The following UST variants were observed in gnomAD, a reference collection of about 807,000 sequenced individuals.
The protein encoded by UST is chondroitin sulfate 2-O-sulfotransferase.
In UST, 21 loss-of-function variants were observed where a neutral mutation model predicts 45.6. The ratio of observed to expected loss-of-function variants is 0.46; its 90% CI spans 0.33 to 0.66. UST has a LOEUF of 0.66. Among genes scored for constraint, UST ranks in the 30% least tolerant of loss-of-function variants. The pLI, the probability that UST is intolerant of heterozygous loss-of-function variation, is 0.02. For missense variants in UST, 463 were observed against 512.4 expected, an observed-to-expected ratio of 0.90 and a Z score of 0.93; for synonymous variants, 215 against 200.6, an observed-to-expected ratio of 1.07 and a Z score of -0.61.
At chr6:148,995,126 G>A (rs1216113992) in intron 5 of UST, among the ~76,000 whole-genome samples, 1 of 152,142 alleles carries the variant, frequency 6.6e-6, no homozygotes, top group Non-Finnish European at 1.5e-5. Flanking sequence ...CCGGGTTCAA[G>A]CTATTCTCGT....
At chr6:148,854,208 C>T (rs1415754460) in intron 1 of UST, among the ~76,000 whole-genome samples, 1 of 152,214 alleles carries the variant, frequency 6.6e-6, no homozygotes, top group Non-Finnish European at 1.5e-5. Context: ...ACCGTCTGTC[C>T]TGGAGCTGCA....
At chr6:148,899,528 C>T (rs1056729275) in intron 2 of UST, among the ~76,000 whole-genome samples, 3 of 152,178 alleles carry the variant, frequency 2.0e-5, no homozygotes, top group Admixed American at 6.5e-5. Flanking sequence ...AAAATAATTA[C>T]CCACAATGCC....
chr6:148,906,259 G>A (rs1779357167), intron 2 of UST, among the ~76,000 whole-genome samples: 1 of 152,034 alleles, frequency 6.6e-6, no homozygotes. Context: ...AAAACCAGAT[G>A]TCTTCCTCCC....
At chr6:148,830,887 T>C (rs1233944850) in intron 1 of UST, among the ~76,000 whole-genome samples, 1 of 152,172 alleles carries the variant, frequency 6.6e-6, no homozygotes, top group Non-Finnish European at 1.5e-5. Context: ...ATAGTGGTGA[T>C]GACTGCACAA....
intron 1 of UST, among the ~76,000 whole-genome samples, chr6:148,763,508 T>TTAA (rs1311944893): frequency 2.4e-4 from 37 of 152,180 alleles, no homozygotes; most frequent in African/African-American, 8.9e-4. Context: ...AGCTCTTTAG[T>TTAA]TTAATTAAGT....
rs377724567 is a variant in UST, at chr6:148,870,104, T to TCTCA, written c.248-16881_248-16880insTCAC. ...CCCCCAGCTTCACAGTGGTAATGTTTCACACACACACACACACACACACAC... is the reference window on the plus strand; with the variant it reads ...CCCCCAGCTTCACAGTGGTAATGTTTCTCACACACACACACACACACACACACAC... On this transcript the variant is annotated intron_variant, in intron 1 of 7. Transcript: ENST00000367463. Among the ~76,000 whole-genome samples, 465 of 141,550 alleles carry TCTCA rather than the reference T, an allele frequency of 3.3e-3. 1 individual carries two copies. The highest frequency in any genetic ancestry group is 5.6e-3 in the Non-Finnish European group (365 of 65,350). The allele number at this position is 141,550 out of a possible 152,430, so 92.9% of individuals were successfully genotyped here. A position where few individuals can be genotyped will look rare whatever the true frequency, so the allele number is the denominator to read the frequency against.
intron 2 of UST, among the ~76,000 whole-genome samples, chr6:148,917,658 C>T (rs1779615081): frequency 6.6e-6 from 1 of 152,196 alleles, no homozygotes; most frequent in South Asian, 2.1e-4. Flanking sequence ...CCTGCACAAC[C>T]TGGGAAGCGG....
chr6:148,939,806 G>A (rs1421623899), intron 2 of UST, among the ~76,000 whole-genome samples: 2 of 152,124 alleles, frequency 1.3e-5, no homozygotes, highest in Non-Finnish European at 2.9e-5. Flanking sequence ...TCTTAGATTA[G>A]GCAATAGTTT....
At chr6:148,976,964 A>G (rs571549412) in intron 5 of UST, among the ~76,000 whole-genome samples, 1 of 152,160 alleles carries the variant, frequency 6.6e-6, no homozygotes, top group South Asian at 2.1e-4. Context: ...AATATTCTCC[A>G]TGGTGTCTTC....
intron 1 of UST, among the ~76,000 whole-genome samples, chr6:148,826,999 G>T (rs1302447333): frequency 1.3e-5 from 2 of 151,886 alleles, no homozygotes; most frequent in East Asian, 3.9e-4. Flanking sequence ...CTTTTGCCAT[G>T]CAAGGTAATA....
chr6:148,755,014 TCA>T (rs1776068036), intron 1 of UST, among the ~76,000 whole-genome samples: 1 of 152,238 alleles, frequency 6.6e-6, no homozygotes, highest in African/African-American at 2.4e-5. Flanking sequence ...TTTAGAGATG[TCA>T]CAAAGATTGC....
intron 6 of UST, among the ~76,000 whole-genome samples, chr6:149,019,916 T>C: frequency 6.6e-6 from 1 of 152,188 alleles, no homozygotes; most frequent in African/African-American, 2.4e-5. Flanking sequence ...CCCCAGATGC[T>C]TCTGGCGTAG....
intron 7 of UST, among the ~76,000 whole-genome samples, chr6:149,028,265 A>G (rs1487002943): frequency 6.6e-6 from 1 of 152,196 alleles, no homozygotes; most frequent in African/African-American, 2.4e-5. Flanking sequence ...CAGTTTCCCC[A>G]TCTGGATAAG....
intron 1 of UST, among the ~76,000 whole-genome samples, chr6:148,858,494 T>C (rs1410074871): frequency 9.0e-6 from 1 of 111,502 alleles, no homozygotes; most frequent in Non-Finnish European, 1.8e-5. Context: ...ATTTGCATCT[T>C]TCTTTTTTTT....
chr6:148,801,018 T>C (rs913635898), intron 1 of UST, among the ~76,000 whole-genome samples: 3 of 152,186 alleles, frequency 2.0e-5, no homozygotes, highest in African/African-American at 7.2e-5. Flanking sequence ...ACAAGCTGAA[T>C]AGATCTTTGA....
chr6:148,809,402 T>C (rs896762111), intron 1 of UST, among the ~76,000 whole-genome samples: 7 of 152,170 alleles, frequency 4.6e-5, no homozygotes, highest in Non-Finnish European at 7.4e-5. Context: ...AGTGCTTGTG[T>C]CCTTTCTTCC....
At chr6:148,850,305 T>G (rs535617168) in intron 1 of UST, among the ~76,000 whole-genome samples, 1 of 152,182 alleles carries the variant, frequency 6.6e-6, no homozygotes, top group African/African-American at 2.4e-5. Context: ...CAGCGTCTGC[T>G]CTTAACTATC....
chr6:149,044,344 G>T (rs572200825), intron 7 of UST, among the ~76,000 whole-genome samples: 2 of 152,270 alleles, frequency 1.3e-5, no homozygotes, highest in Non-Finnish European at 2.9e-5. Flanking sequence ...GTCAGTGTCT[G>T]ACTTCTGTTG....
intron 2 of UST, among the ~76,000 whole-genome samples, chr6:148,911,116 C>T (rs1394496092): frequency 1.3e-5 from 2 of 152,170 alleles, no homozygotes; most frequent in Non-Finnish European, 2.9e-5. Context: ...TTGCCCTGAC[C>T]CCAGGCACCT....
Sources: gnomAD v4.1 joint callset for allele counts (sites outside exome capture counted in the v4.1 genomes callset) on GRCh38, gnomAD v4.1.1 for gene constraint, MANE v1.5 for transcripts, NCBI Gene and HGNC (gene_info 2026-07-23, HGNC 2026-07-21) for gene names.